Variants in EYA2 observed in about 807,000 individuals in gnomAD.
EYA2 encodes the protein EYA transcriptional coactivator and phosphatase 2.
A neutral mutation model predicts 69.2 loss-of-function variants in EYA2; 31 were observed. The ratio of observed to expected loss-of-function variants is 0.45; its 90% CI spans 0.34 to 0.60. The LOEUF (loss-of-function observed/expected upper bound fraction) is 0.60. EYA2 is among the 20% of genes least tolerant of loss of function. EYA2 has a pLI of 0.02. For synonymous variants in EYA2, 257 were observed against 279.4 expected (o/e 0.92, Z 0.80); for missense variants, 622 against 701.2 (o/e 0.89, Z 1.28).
At chr20:47,021,507 A>G (rs947134230) in intron 5 of EYA2, among the ~76,000 whole-genome samples, 4 of 152,096 alleles carry the variant, frequency 2.6e-5, no homozygotes, top group Admixed American at 6.6e-5. Context: ...CACACCTGCA[A>G]TTCCAGCTAC....
At chr20:47,153,994 ATC>A (rs1383906506) in intron 10 of EYA2, among the ~76,000 whole-genome samples, 1 of 151,980 alleles carries the variant, frequency 6.6e-6, no homozygotes, top group Non-Finnish European at 1.5e-5. Flanking sequence ...ACTTTATTTA[ATC>A]CTATTATGAT....
At chr20:47,069,700 A>G (rs114355282) in intron 5 of EYA2, among the ~76,000 whole-genome samples, 2,923 of 152,222 alleles carry the variant, frequency 0.019, 102 homozygotes, top group African/African-American at 0.066. Context: ...ACTTATATCA[A>G]AACATCTCAT....
intron 1 of EYA2, among the ~76,000 whole-genome samples, chr20:46,967,780 T>C (rs765049441): frequency 6.6e-6 from 1 of 152,130 alleles, no homozygotes; most frequent in South Asian, 2.1e-4. Flanking sequence ...ACAATGACAA[T>C]TGGCACTTGG....
At chr20:46,899,202 G>A (rs1240349061) in intron 1 of EYA2, among the ~76,000 whole-genome samples, 1 of 152,206 alleles carries the variant, frequency 6.6e-6, no homozygotes. Flanking sequence ...CCTTATCCAT[G>A]TGCAATACAA....
chr20:47,013,664 G>T (rs987865552), intron 4 of EYA2, among the ~76,000 whole-genome samples: 1 of 152,190 alleles, frequency 6.6e-6, no homozygotes, highest in Admixed American at 6.5e-5. Context: ...TATGGCTTGG[G>T]CAGAGGGAGC....
chr20:47,040,696 C>T (rs971087662), intron 5 of EYA2, among the ~76,000 whole-genome samples: 3 of 152,182 alleles, frequency 2.0e-5, no homozygotes, highest in South Asian at 4.2e-4. Flanking sequence ...AACACAGAGA[C>T]ATCAAGCAAG....
intron 5 of EYA2, among the ~76,000 whole-genome samples, chr20:47,023,600 T>C (rs1006976374): frequency 1.2e-4 from 18 of 151,504 alleles, no homozygotes; most frequent in African/African-American, 4.4e-4. Flanking sequence ...ATCCCATACA[T>C]CATTTTCATC....
At chr20:47,097,641 A>T (rs1020060804) in intron 9 of EYA2, among the ~76,000 whole-genome samples, 1 of 152,164 alleles carries the variant, frequency 6.6e-6, no homozygotes, top group South Asian at 2.1e-4. Flanking sequence ...TCGTTTTGCA[A>T]ATGTATCATC....
At chr20:47,116,462 G>A (rs1307772415) in intron 9 of EYA2, among the ~76,000 whole-genome samples, 1 of 152,142 alleles carries the variant, frequency 6.6e-6, no homozygotes, top group Non-Finnish European at 1.5e-5. Flanking sequence ...ATAGGCATGA[G>A]CCACTGCGCC....
chr20:46,980,511 G>A (rs1363576216), intron 1 of EYA2, among the ~76,000 whole-genome samples: 2 of 152,076 alleles, frequency 1.3e-5, no homozygotes, highest in African/African-American at 4.8e-5. Flanking sequence ...CATATTTTCA[G>A]GGTGCATGTG....
At chr20:47,163,710 A>C (rs2034121933) in intron 10 of EYA2, among the ~76,000 whole-genome samples, 1 of 151,450 alleles carries the variant, frequency 6.6e-6, no homozygotes, top group African/African-American at 2.4e-5. Flanking sequence ...AAAAAAAAAA[A>C]AAAAAAAAAA....
chr20:46,987,964 C>CTATATATATATATATATATATATATA (rs71183225), intron 1 of EYA2, among the ~76,000 whole-genome samples: 2 of 11,278 alleles, frequency 1.8e-4, no homozygotes, highest in African/African-American at 2.8e-4. Context: ...CTCTCTCTCT[C>CTATATATATATATATATATATATATA]TATATATATA....
intron 9 of EYA2, among the ~76,000 whole-genome samples, chr20:47,134,953 C>T (rs1032121147): frequency 6.6e-6 from 1 of 151,826 alleles, no homozygotes; most frequent in African/African-American, 2.4e-5. Flanking sequence ...TGGTGAAACC[C>T]CGTCTCTACT....
chr20:47,036,471 C>T (rs1331051821), intron 5 of EYA2, among the ~76,000 whole-genome samples: 4 of 152,254 alleles, frequency 2.6e-5, no homozygotes, highest in East Asian at 1.9e-4. Flanking sequence ...CATTATGGTC[C>T]TGCCGTGGCA....
intron 9 of EYA2, among the ~76,000 whole-genome samples, chr20:47,099,103 G>C (rs773277776): frequency 6.6e-6 from 1 of 152,256 alleles, no homozygotes; most frequent in South Asian, 2.1e-4. Context: ...AGTTACTGCC[G>C]TGGGCAGTTG....
intron 4 of EYA2, among the ~76,000 whole-genome samples, chr20:47,006,288 C>T (rs1278964867): frequency 1.3e-5 from 2 of 152,250 alleles, no homozygotes; most frequent in Non-Finnish European, 2.9e-5. Context: ...AGGTCAGCCT[C>T]ACCCAAAACA....
At chr20:47,121,642 T>C (rs1381155245) in intron 9 of EYA2, among the ~76,000 whole-genome samples, 1 of 152,192 alleles carries the variant, frequency 6.6e-6, no homozygotes, top group African/African-American at 2.4e-5. Context: ...ACATAGATCC[T>C]GTCTCTACAA....
intron 5 of EYA2, among the ~76,000 whole-genome samples, chr20:47,049,872 C>T (rs896980823): frequency 6.7e-6 from 1 of 148,254 alleles, no homozygotes; most frequent in African/African-American, 2.5e-5. Flanking sequence ...CCCCCCCCCA[C>T]CGCCACCAGT....
chr20:47,173,536 G>T (rs1019523802), intron 12 of EYA2, among the ~76,000 whole-genome samples: 1 of 89,752 alleles, frequency 1.1e-5, no homozygotes, highest in African/African-American at 5.2e-5. Flanking sequence ...AAAAAAACGT[G>T]CAGGGTCTCA....
Sources: allele counts gnomAD v4.1 joint callset (sites outside exome capture counted in the v4.1 genomes callset), GRCh38; gene constraint gnomAD v4.1.1; transcripts MANE v1.5; gene names NCBI Gene and HGNC (gene_info 2026-07-23, HGNC 2026-07-21).